The following GRID2 variants were observed in gnomAD, a reference collection of about 807,000 sequenced individuals.
GRID2 encodes the protein glutamate ionotropic receptor delta type subunit 2.
A neutral mutation model predicts 114.8 loss-of-function variants in GRID2; 33 were observed. The ratio of observed to expected loss-of-function variants is 0.29; its 90% CI spans 0.22 to 0.38. GRID2 has a LOEUF of 0.38. Ranked by LOEUF, GRID2 falls within the 10% of genes least tolerant of loss-of-function variation. The probability of loss-of-function intolerance (pLI) is 1.00; values close to 1 mark genes in which losing one functional copy is unlikely to be tolerated. For synonymous variants in GRID2, 505 were observed against 449.9 expected, an observed-to-expected ratio of 1.12 and a Z score of -1.55; for missense variants, 1,184 against 1,257.7, an observed-to-expected ratio of 0.94 and a Z score of 0.89.
chr4:93,636,209 G>A, intron 14 of GRID2, among the ~76,000 whole-genome samples: 1 of 152,216 alleles, frequency 6.6e-6, no homozygotes, highest in Non-Finnish European at 1.5e-5. Flanking sequence ...CATGATGCTG[G>A]ACCAAGCTGC....
intron 2 of GRID2, among the ~76,000 whole-genome samples, chr4:92,683,480 T>C (rs1360802173): frequency 6.6e-6 from 1 of 152,050 alleles, no homozygotes; most frequent in East Asian, 1.9e-4. Context: ...TTTGGCAAAC[T>C]TGAGCAGCCT....
intron 2 of GRID2, among the ~76,000 whole-genome samples, chr4:92,759,054 A>G (rs1737861831): frequency 6.6e-6 from 1 of 152,194 alleles, no homozygotes; most frequent in Non-Finnish European, 1.5e-5. Context: ...CAAGATGTCC[A>G]CAAATAAAAG....
chr4:93,002,241 T>G (rs1194400083), intron 2 of GRID2, among the ~76,000 whole-genome samples: 2 of 151,778 alleles, frequency 1.3e-5, no homozygotes, highest in Non-Finnish European at 2.9e-5. Flanking sequence ...CCTCATAATT[T>G]AACATTTTAT....
At chr4:93,729,545 T>A (rs1730284003) in intron 14 of GRID2, among the ~76,000 whole-genome samples, 1 of 151,718 alleles carries the variant, frequency 6.6e-6, no homozygotes, top group East Asian at 1.9e-4. Flanking sequence ...ATACAGATAA[T>A]CATTTTCTTT....
chr4:93,266,337 T>G (rs967807110), intron 8 of GRID2, among the ~76,000 whole-genome samples: 1 of 152,170 alleles, frequency 6.6e-6, no homozygotes, highest in African/African-American at 2.4e-5. Context: ...TAACACTGTT[T>G]GCTAAAGGAG....
chr4:93,658,080 G>A (rs1055029582), intron 14 of GRID2, among the ~76,000 whole-genome samples: 8 of 152,112 alleles, frequency 5.3e-5, no homozygotes, highest in Admixed American at 4.6e-4. Flanking sequence ...GGAATTTTCA[G>A]AAGCAAAAAA....
intron 12 of GRID2, among the ~76,000 whole-genome samples, chr4:93,509,759 T>C (rs537645384): frequency 7.2e-5 from 11 of 152,332 alleles, no homozygotes; most frequent in Admixed American, 2.0e-4. Flanking sequence ...CAGTCCATTT[T>C]GTAACACTTT....
chr4:93,221,638 A>G (rs1744888137), intron 6 of GRID2, among the ~76,000 whole-genome samples: 1 of 152,216 alleles, frequency 6.6e-6, no homozygotes, highest in Non-Finnish European at 1.5e-5. Flanking sequence ...AAGGCCTTAC[A>G]AATAAAATAA....
chr4:92,599,028 CT>C (rs79836874), intron 2 of GRID2, among the ~76,000 whole-genome samples: 5,337 of 115,232 alleles, frequency 0.046, 232 homozygotes, highest in African/African-American at 0.15. Flanking sequence ...AATGCTTTTC[CT>C]TTTTTTTTTT....
At chr4:93,742,387 C>T (rs926812662) in intron 14 of GRID2, among the ~76,000 whole-genome samples, 3 of 152,112 alleles carry the variant, frequency 2.0e-5, no homozygotes, top group African/African-American at 7.2e-5. Context: ...TGAAATTAAA[C>T]GATGTGTGTA....
chr4:93,251,048 A>G (rs962455022), intron 8 of GRID2, among the ~76,000 whole-genome samples: 2 of 152,054 alleles, frequency 1.3e-5, no homozygotes, highest in Admixed American at 6.6e-5. Flanking sequence ...AAAATTGAGA[A>G]TGTCCCCCTT....
rs182584726 is a variant in GRID2 at position 92,787,916 on chromosome 4, A to G, written c.244+197630A>G. ...GACCGCTTGATATGCAGTGTGTTAG[A>G]GAGAAGAGTGAAGGATAACCTCGTG... On this transcript the variant is annotated intron_variant, in intron 2 of 15. Coordinates refer to ENST00000282020, the MANE Select transcript of GRID2 (RefSeq NM_001510.4). Among the ~76,000 whole-genome samples the G allele has an allele frequency of 3.8e-4, 57 of 151,918 alleles. 2 individuals are homozygous for G. In the East Asian group the frequency reaches 6.0e-3, roughly 16 times the overall value.
At chr4:92,476,170 C>T (rs1005492957) in intron 1 of GRID2, among the ~76,000 whole-genome samples, 2 of 151,762 alleles carry the variant, frequency 1.3e-5, no homozygotes, top group Non-Finnish European at 2.9e-5. Flanking sequence ...GGACTACAGG[C>T]GCCTGGCACC....
intron 2 of GRID2, among the ~76,000 whole-genome samples, chr4:92,947,050 T>C (rs1289947911): frequency 1.3e-5 from 2 of 152,048 alleles, no homozygotes; most frequent in Non-Finnish European, 2.9e-5. Flanking sequence ...AATTATGACA[T>C]GCTAATAATT....
intron 13 of GRID2, among the ~76,000 whole-genome samples, chr4:93,603,922 T>C (rs905339542): frequency 6.6e-6 from 1 of 152,112 alleles, no homozygotes; most frequent in African/African-American, 2.4e-5. Context: ...TGACTGCCCA[T>C]TGACAATGCA....
At chr4:93,757,599 ACTATCCAG>A (rs1337364453) in intron 14 of GRID2, among the ~76,000 whole-genome samples, 2 of 152,240 alleles carry the variant, frequency 1.3e-5, no homozygotes, top group Non-Finnish European at 2.9e-5. Context: ...CTGCAGTGGA[ACTATCCAG>A]TACTGGAATT....
chr4:93,023,636 G>T (rs941565080), intron 2 of GRID2, among the ~76,000 whole-genome samples: 1 of 151,846 alleles, frequency 6.6e-6, no homozygotes, highest in South Asian at 2.1e-4. Context: ...TAAAAGTGGG[G>T]TCTATGCCTT....
chr4:93,555,980 CCTCCAGCAAA>C (rs1023106296), intron 13 of GRID2, among the ~76,000 whole-genome samples: 2 of 152,132 alleles, frequency 1.3e-5, no homozygotes, highest in African/African-American at 4.8e-5. Flanking sequence ...CTGGAGTGGA[CCTCCAGCAAA>C]CTCCAGCAGA....
intron 8 of GRID2, among the ~76,000 whole-genome samples, chr4:93,381,400 A>G (rs1012351166): frequency 2.0e-5 from 3 of 152,250 alleles, no homozygotes; most frequent in East Asian, 1.9e-4. Context: ...TAGTATTTCT[A>G]TCCTTTGTAA....
Sources: allele counts gnomAD v4.1 joint callset (sites outside exome capture counted in the v4.1 genomes callset), GRCh38; gene constraint gnomAD v4.1.1; transcripts MANE v1.5; gene names NCBI Gene and HGNC (gene_info 2026-07-23, HGNC 2026-07-21).